Variants in TMPRSS15 observed in about 807,000 individuals in gnomAD.
The protein encoded by TMPRSS15 is enteropeptidase.
In TMPRSS15, 128 loss-of-function variants were observed where a neutral mutation model predicts 125.3. The ratio of observed to expected loss-of-function variants is 1.02; its 90% CI spans 0.89 to 1.18. The LOEUF (loss-of-function observed/expected upper bound fraction) is 1.18. TMPRSS15 is among the 50% of genes most tolerant of loss of function. The probability of loss-of-function intolerance (pLI) is 0.00; values close to 1 mark genes in which losing one functional copy is unlikely to be tolerated. For missense variants in TMPRSS15, 1,283 were observed against 1,212.7 expected, an observed-to-expected ratio of 1.06 and a Z score of -0.86; for synonymous variants, 446 against 423.2, an observed-to-expected ratio of 1.05 and a Z score of -0.66.
At position 18,315,169 on chromosome 21, in the gene TMPRSS15, T is replaced by A. The variant is rs750792964; in HGVS notation, c.2009A>T (p.Asp670Val). The A allele has an allele frequency of 2.2e-5, 36 of 1,613,574 alleles. No homozygotes were observed. The highest frequency in any genetic ancestry group is 3.0e-5 in the Non-Finnish European group (35 of 1,179,894). Residue 670 changes from aspartate (D) to valine (V), a missense_variant, in exon 17 of 25, where the codon GAT becomes GTT. Physicochemically the swap from Asp to Val is radical, Grantham distance 152 (BLOSUM62 -3). Transcript: ENST00000284885. ...NLCDGHLHCE[D>V]GSDEADCVRF... ...ACCACAATCTGCTTCATCTGAGCCA[T>A]CCTCACAGTGCAGATGACCGTCACA...
rs755069394 is a variant in TMPRSS15, at chr21:18,315,179, G to A, written c.1999C>T (p.His667Tyr). 5.0e-6 allele frequency: 8 copies of A among 1,613,636 alleles called. No homozygotes were observed. Among genetic ancestry groups the A allele is most frequent in the Admixed American group, 1.7e-5 (1 of 60,002 alleles). The change falls in exon 17 of 25, where the codon CAC becomes TAC. Residue 667 changes from histidine (H) to tyrosine (Y), a missense_variant. By Grantham distance (83) the His-to-Tyr change is moderately conservative. Coordinates refer to ENST00000284885, the MANE Select transcript of TMPRSS15 (RefSeq NM_002772.3). The part of the protein sequence containing the change: ...PLVNLCDGHL[H>Y]CEDGSDEADC... ...GCTTCATCTGAGCCATCCTCACAGT[G>A]CAGATGACCGTCACAGAGATTCACC...
At chr21:18,423,458 G>A (rs1375774748) in intron 1 of TMPRSS15, among the ~76,000 whole-genome samples, 4 of 150,546 alleles carry the variant, frequency 2.7e-5, no homozygotes, top group African/African-American at 9.8e-5. Context: ...GCCCAGGCTG[G>A]AGTGCAGTGG....
chr21:18,369,447 C>T (rs887516989), intron 6 of TMPRSS15, among the ~76,000 whole-genome samples: 32 of 152,246 alleles, frequency 2.1e-4, no homozygotes, highest in African/African-American at 7.5e-4. Context: ...AAAAAGTGAA[C>T]TTTCCTGCTG....
At chr21:18,315,051 T>A in intron 17 of TMPRSS15, 95 bp downstream of exon 17, 2 of 969,126 alleles carry the variant, frequency 2.1e-6, no homozygotes, top group Non-Finnish European at 3.3e-6. Flanking sequence ...TCAAAACAGG[T>A]CCTAATAGAC....
chr21:18,450,110 C>T (rs553123477), intron 1 of TMPRSS15, among the ~76,000 whole-genome samples: 7 of 151,878 alleles, frequency 4.6e-5, no homozygotes, highest in South Asian at 4.2e-4. Context: ...AGTAAATGGC[C>T]GCAGCATATA....
chr21:18,304,605 A>G (rs2075009674), intron 18 of TMPRSS15, among the ~76,000 whole-genome samples: 1 of 152,192 alleles, frequency 6.6e-6, no homozygotes. Context: ...CAAAATTATT[A>G]GCAACATCTA....
At chr21:18,389,449 G>T (rs1040788696) in intron 3 of TMPRSS15, among the ~76,000 whole-genome samples, 1 of 152,066 alleles carries the variant, frequency 6.6e-6, no homozygotes, top group African/African-American at 2.4e-5. Flanking sequence ...ATTTATCAAG[G>T]TTTGAGCACT....
At chr21:18,388,129 A>C (rs1305110876) in intron 3 of TMPRSS15, among the ~76,000 whole-genome samples, 1 of 152,082 alleles carries the variant, frequency 6.6e-6, no homozygotes, top group Non-Finnish European at 1.5e-5. Flanking sequence ...GTTTTTATGA[A>C]ATTCCTTTGC....
chr21:18,375,938 T>C (rs1194353676), intron 5 of TMPRSS15, among the ~76,000 whole-genome samples: 1 of 152,210 alleles, frequency 6.6e-6, no homozygotes, highest in Non-Finnish European at 1.5e-5. Context: ...AGATGTTACA[T>C]ACAACATGAG....
chr21:18,449,684 T>C (rs1387194867), intron 1 of TMPRSS15, among the ~76,000 whole-genome samples: 2 of 152,120 alleles, frequency 1.3e-5, no homozygotes, highest in Non-Finnish European at 2.9e-5. Flanking sequence ...CCACATCTTA[T>C]TATTATCATT....
At chr21:18,459,617 T>C (rs1299989173) in intron 1 of TMPRSS15, among the ~76,000 whole-genome samples, 4 of 152,216 alleles carry the variant, frequency 2.6e-5, no homozygotes, top group Non-Finnish European at 4.4e-5. Context: ...AGCAAATGCA[T>C]ATGTCTAATA....
chr21:18,463,245 G>GAAAAA (rs1978585963), intron 1 of TMPRSS15, among the ~76,000 whole-genome samples: 1 of 1,402 alleles, frequency 7.1e-4, no homozygotes, highest in Non-Finnish European at 1.7e-3. Flanking sequence ...CAAATGGAAA[G>GAAAAA]CAAAAAAAAA....
At chr21:18,468,085 T>C (rs986354047) in intron 1 of TMPRSS15, among the ~76,000 whole-genome samples, 11 of 152,158 alleles carry the variant, frequency 7.2e-5, no homozygotes, top group Admixed American at 1.3e-4. Flanking sequence ...TAGTTGGTTA[T>C]TTAAACTCTA....
intron 1 of TMPRSS15, among the ~76,000 whole-genome samples, chr21:18,399,784 CA>C (rs921814358): frequency 2.0e-5 from 3 of 151,700 alleles, no homozygotes; most frequent in African/African-American, 2.4e-5. Flanking sequence ...AAAGTGAAGT[CA>C]AAAAAAGTAT....
chr21:18,332,815 T>C (rs1360731976), intron 13 of TMPRSS15, among the ~76,000 whole-genome samples: 1 of 152,170 alleles, frequency 6.6e-6, no homozygotes, highest in Non-Finnish European at 1.5e-5. Flanking sequence ...GCAGCGCTAT[T>C]CAAAATAGGA....
At chr21:18,435,989 A>AT (rs1275933772) in intron 1 of TMPRSS15, among the ~76,000 whole-genome samples, 11 of 148,754 alleles carry the variant, frequency 7.4e-5, no homozygotes, top group Non-Finnish European at 6.0e-5. Context: ...CCCCTTTATC[A>AT]TTTTTTATTG....
chr21:18,402,024 T>G (rs1389381251), intron 1 of TMPRSS15, among the ~76,000 whole-genome samples: 1 of 152,200 alleles, frequency 6.6e-6, no homozygotes, highest in African/African-American at 2.4e-5. Context: ...GTATTGTATT[T>G]TAGTACTTTG....
chr21:18,393,976 G>A (rs1325204813), intron 3 of TMPRSS15, among the ~76,000 whole-genome samples: 1 of 152,132 alleles, frequency 6.6e-6, no homozygotes, highest in Non-Finnish European at 1.5e-5. Flanking sequence ...CTGTTTCTAA[G>A]TAAGCCCTAT....
At chr21:18,363,842 GC>G (rs2075700497) in intron 7 of TMPRSS15, among the ~76,000 whole-genome samples, 1 of 151,984 alleles carries the variant, frequency 6.6e-6, no homozygotes, top group African/African-American at 2.4e-5. Flanking sequence ...ACTTAGAACT[GC>G]CATTTTTAAT....
Sources: allele counts gnomAD v4.1 joint callset (sites outside exome capture counted in the v4.1 genomes callset), GRCh38; gene constraint gnomAD v4.1.1; transcripts MANE v1.5; gene names NCBI Gene and HGNC (gene_info 2026-07-23, HGNC 2026-07-21).